KCNQ3: variants seen among roughly 807,000 people sequenced by gnomAD.
The protein encoded by KCNQ3 is potassium voltage-gated channel subfamily Q member 3, also known as potassium voltage-gated channel subfamily KQT member 3.
In KCNQ3, 30 loss-of-function variants were observed where a neutral mutation model predicts 92.5. That is an observed-to-expected ratio of 0.32 (90% CI 0.24 to 0.44). KCNQ3 has a LOEUF of 0.44. Among genes scored for constraint, KCNQ3 ranks in the 20% least tolerant of loss-of-function variants. The probability of loss-of-function intolerance (pLI) is 1.00; values close to 1 mark genes in which losing one functional copy is unlikely to be tolerated. For missense variants in KCNQ3, 913 were observed against 1,140.3 expected (o/e 0.80, Z 2.87); for synonymous variants, 450 against 468.8 (o/e 0.96, Z 0.52).
rs985962140 is a variant in KCNQ3 at position 132,124,241 on chromosome 8, T to C, written c.*5021A>G. 6.6e-6 allele frequency: 1 copy of C among 152,028 alleles called. No individual in the cohort carries two copies. Among genetic ancestry groups the C allele is most frequent in the Admixed American group, 6.6e-5 (1 of 15,236 alleles). The allele number at this position is 152,028 out of a possible 1,614,324, so 9.4% of individuals were successfully genotyped here. A position where few individuals can be genotyped will look rare whatever the true frequency, so the allele number is the denominator to read the frequency against. On this transcript the variant is annotated 3_prime_UTR_variant, in exon 15 of 15. Coordinates refer to ENST00000388996, the MANE Select transcript of KCNQ3 (RefSeq NM_004519.4). ...ATTGTGAAAGCATTTGATTTAATAA[T>C]TAGGATTGTTTCTCCACGATTCTTT... is the stretch of plus-strand genomic sequence containing the variant.
rs546719227 is a variant in KCNQ3 at position 132,125,939 on chromosome 8, T to G, written c.*3323A>C. The G allele has an allele frequency of 2.0e-5, 3 of 152,356 alleles. No homozygotes were observed. The East Asian group carries it at 5.8e-4, about 29-fold the overall frequency. 9.4% of individuals were successfully genotyped at this position (152,356 alleles called of 1,614,324 possible). A position where few individuals can be genotyped will look rare whatever the true frequency, so the allele number is the denominator to read the frequency against. ...TTGATATTTGCTTTTGTGCTGACAT[T>G]TGATAGTCAAAACTCAAACGATCTC... On this transcript the variant is annotated 3_prime_UTR_variant, in exon 15 of 15. Transcript: ENST00000388996.
At chr8:132,136,246 A>ACTC (rs1275349830) in intron 12 of KCNQ3, among the ~76,000 whole-genome samples, 3 of 151,416 alleles carry the variant, frequency 2.0e-5, no homozygotes, top group Admixed American at 2.0e-4. Flanking sequence ...CTAGCAGGAC[A>ACTC]CTCCAGTGGG....
At chr8:132,352,610 C>T (rs1174089589) in intron 1 of KCNQ3, among the ~76,000 whole-genome samples, 3 of 152,152 alleles carry the variant, frequency 2.0e-5, no homozygotes, top group Non-Finnish European at 4.4e-5. Context: ...GGTGACAGAT[C>T]GGACCGCAAG....
At chr8:132,367,251 G>C (rs1294953464) in intron 1 of KCNQ3, among the ~76,000 whole-genome samples, 1 of 151,124 alleles carries the variant, frequency 6.6e-6, no homozygotes, top group Non-Finnish European at 1.5e-5. Context: ...TCCCACATCA[G>C]TATTTTTTTT....
At chr8:132,447,150 TC>T in intron 1 of KCNQ3, 2 of 1,469,750 alleles carry the variant, frequency 1.4e-6, no homozygotes, top group Non-Finnish European at 1.8e-6. Context: ...TCTGAGTCCA[TC>T]TTAGGATGCT....
chr8:132,329,810 G>A (rs1280299109), intron 1 of KCNQ3, among the ~76,000 whole-genome samples: 5 of 152,160 alleles, frequency 3.3e-5, no homozygotes, highest in Admixed American at 6.5e-5. Flanking sequence ...ACAAGGAACC[G>A]CTCTCATCCT....
chr8:132,186,586 T>C, intron 1 of KCNQ3: 1 of 322,702 alleles, frequency 3.1e-6, no homozygotes, highest in Non-Finnish European at 6.1e-6. Context: ...TAAAAATATA[T>C]GAAAATGTTT....
rs62519602 is a variant in KCNQ3, at chr8:132,186,282, T to C, written c.387-101A>G. 0.054 allele frequency: 42,600 copies of C among 791,340 alleles called. 1,538 individuals are homozygous for C. The highest frequency in any genetic ancestry group is 0.13 in the African/African-American group (7,469 of 59,086). The allele number at this position is 791,340 out of a possible 1,614,324, so 49.0% of individuals were successfully genotyped here. ...TCTTCCAGGATGAAGCTGCAACTTC[T>C]GCTGGACATTGACATGTGCTTTATA... On this transcript the variant is annotated intron_variant, in intron 1 of 14. Transcript: ENST00000388996.
At chr8:132,345,792 A>G (rs917191976) in intron 1 of KCNQ3, among the ~76,000 whole-genome samples, 1 of 152,198 alleles carries the variant, frequency 6.6e-6, no homozygotes, top group African/African-American at 2.4e-5. Context: ...GTAGAAGACT[A>G]CAGCTACATT....
chr8:132,361,636 AGGG>A (rs1225880844), intron 1 of KCNQ3, among the ~76,000 whole-genome samples: 10 of 152,338 alleles, frequency 6.6e-5, no homozygotes, highest in African/African-American at 2.4e-4. Flanking sequence ...GAAATGTAAA[AGGG>A]TCAACATTAA....
chr8:132,427,685 T>C (rs1217505609), intron 1 of KCNQ3, among the ~76,000 whole-genome samples: 2 of 152,154 alleles, frequency 1.3e-5, no homozygotes, highest in Non-Finnish European at 2.9e-5. Flanking sequence ...TGGGGCTCTG[T>C]GTGGGCTCTC....
chr8:132,453,250 C>G (rs190076829), intron 1 of KCNQ3, among the ~76,000 whole-genome samples: 1 of 152,070 alleles, frequency 6.6e-6, no homozygotes, highest in Non-Finnish European at 1.5e-5. Context: ...TCGGTGAAGA[C>G]GGCGGGTACT....
chr8:132,187,711 G>GTGA (rs1563795433), intron 1 of KCNQ3, among the ~76,000 whole-genome samples: 6 of 151,344 alleles, frequency 4.0e-5, no homozygotes, highest in Non-Finnish European at 7.4e-5. Context: ...AGTGGTGGTG[G>GTGA]TGGTGGTGAT....
intron 1 of KCNQ3, among the ~76,000 whole-genome samples, chr8:132,196,226 C>G (rs899956775): frequency 3.3e-5 from 5 of 152,176 alleles, no homozygotes; most frequent in African/African-American, 4.8e-5. Flanking sequence ...GTCACCTCCT[C>G]TATTAATTCA....
chr8:132,243,292 A>C (rs1815053123), intron 1 of KCNQ3, among the ~76,000 whole-genome samples: 1 of 152,212 alleles, frequency 6.6e-6, no homozygotes, highest in Non-Finnish European at 1.5e-5. Flanking sequence ...CCCACATGTG[A>C]GATCTGATGA....
intron 1 of KCNQ3, among the ~76,000 whole-genome samples, chr8:132,420,752 T>G (rs1563905031): frequency 6.6e-6 from 1 of 152,174 alleles, no homozygotes; most frequent in African/African-American, 2.4e-5. Context: ...AAAAGCAACA[T>G]GTTTCTGTGC....
chr8:132,136,160 C>A (rs1177438809), intron 12 of KCNQ3, among the ~76,000 whole-genome samples: 1 of 146,440 alleles, frequency 6.8e-6, no homozygotes, highest in Non-Finnish European at 1.5e-5. Context: ...AAGAGAAAGG[C>A]CATGGAGAAT....
At chr8:132,140,302 G>A (rs576211507) in intron 10 of KCNQ3, 124 bp from the exon 11 acceptor site, 3 of 661,068 alleles carry the variant, frequency 4.5e-6, no homozygotes, top group East Asian at 2.7e-5. Context: ...TTATTTCCAC[G>A]TTGCAAGACT....
chr8:132,408,113 G>A (rs1251949684), intron 1 of KCNQ3, among the ~76,000 whole-genome samples: 1 of 142,170 alleles, frequency 7.0e-6, no homozygotes, highest in African/African-American at 2.5e-5. Context: ...CGTATCCAAT[G>A]ACTGTAAAAA....
Sources: allele counts gnomAD v4.1 joint callset (sites outside exome capture counted in the v4.1 genomes callset), GRCh38; gene constraint gnomAD v4.1.1; transcripts MANE v1.5; gene names NCBI Gene and HGNC (gene_info 2026-07-23, HGNC 2026-07-21).